IQGAP1: variants seen among roughly 807,000 people sequenced by gnomAD.
IQGAP1 encodes the protein IQ motif containing GTPase activating protein 1, also known as ras GTPase-activating-like protein IQGAP1.
IQGAP1 carries 66 observed loss-of-function variants against 215.6 expected under a neutral mutation model. That is an observed-to-expected ratio of 0.31 (90% CI 0.25 to 0.38). IQGAP1 has a LOEUF of 0.38. IQGAP1 is among the 10% of genes least tolerant of loss of function. The probability of loss-of-function intolerance (pLI) is 1.00; values close to 1 mark genes in which losing one functional copy is unlikely to be tolerated. For missense variants in IQGAP1, 1,712 were observed against 1,997.1 expected (o/e 0.86, Z 2.72); for synonymous variants, 772 against 728.7 (o/e 1.06, Z -0.96).
rs761411293 is a variant in IQGAP1 at position 90,449,615 on chromosome 15, A to C, written c.1134A>C (p.Ala378=). ...AGCTGCAGTCTGGAGTGGATGCTGCAAACAGTGCTGCCCAGCAATATCAGA... is the reference window on the plus strand; with the variant it reads ...AGCTGCAGTCTGGAGTGGATGCTGCCAACAGTGCTGCCCAGCAATATCAGA... ...KEELQSGVDA[A]NSAAQQYQRR... The change falls in exon 11 of 38, where the codon GCA becomes GCC. Residue 378 remains alanine, a synonymous_variant. Coordinates refer to ENST00000268182, the MANE Select transcript of IQGAP1 (RefSeq NM_003870.4). 3 of 1,612,820 alleles carry C rather than the reference A, an allele frequency of 1.9e-6. No individual in the cohort carries two copies. In the Middle Eastern group the frequency reaches 4.9e-4, roughly 265 times the overall value.
intron 26 of IQGAP1, 73 bp downstream of exon 26, chr15:90,477,962 T>C: frequency 1.1e-6 from 1 of 905,062 alleles, no homozygotes; most frequent in Non-Finnish European, 1.8e-6. Context: ...TCTCTTTATT[T>C]ATAAACTAAT....
intron 18 of IQGAP1, among the ~76,000 whole-genome samples, chr15:90,469,328 C>G (rs1376423889): frequency 6.6e-6 from 1 of 152,134 alleles, no homozygotes; most frequent in Non-Finnish European, 1.5e-5. Flanking sequence ...TTTCCCAAAT[C>G]GTGTGTGGAA....
intron 8 of IQGAP1, among the ~76,000 whole-genome samples, chr15:90,442,546 A>G (rs576776704): frequency 6.6e-6 from 1 of 152,332 alleles, no homozygotes; most frequent in Admixed American, 6.5e-5. Context: ...CATTCTTTGT[A>G]TCTCTTATCA....
chr15:90,439,284 G>C, intron 5 of IQGAP1, 48 bp from the exon 6 acceptor site: 1 of 1,491,204 alleles, frequency 6.7e-7, no homozygotes. Context: ...AAGGGTGGCA[G>C]CTAGGCACAG....
intron 2 of IQGAP1, among the ~76,000 whole-genome samples, chr15:90,415,269 T>C (rs1965029087): frequency 6.6e-6 from 1 of 152,228 alleles, no homozygotes; most frequent in Non-Finnish European, 1.5e-5. Context: ...TCTAGGGAAA[T>C]GTTTGCCATT....
intron 8 of IQGAP1, among the ~76,000 whole-genome samples, chr15:90,442,149 G>A (rs1239065563): frequency 2.0e-5 from 3 of 152,070 alleles, no homozygotes; most frequent in African/African-American, 7.2e-5. Context: ...GATTCTCTGG[G>A]GTAAAATGTT....
intron 10 of IQGAP1, among the ~76,000 whole-genome samples, chr15:90,449,049 T>C (rs914261271): frequency 6.6e-6 from 1 of 152,184 alleles, no homozygotes; most frequent in Admixed American, 6.5e-5. Context: ...TATTTTTGCA[T>C]TCTTACGTCA....
At chr15:90,390,476 A>C (rs558282055) in intron 1 of IQGAP1, among the ~76,000 whole-genome samples, 1 of 152,370 alleles carries the variant, frequency 6.6e-6, no homozygotes, top group South Asian at 2.1e-4. Flanking sequence ...ATTTAGAAGG[A>C]GTTCTGGCAG....
intron 26 of IQGAP1, among the ~76,000 whole-genome samples, chr15:90,480,064 A>C (rs1966035614): frequency 6.6e-6 from 1 of 151,998 alleles, no homozygotes; most frequent in South Asian, 2.1e-4. Flanking sequence ...GGGTACCTAT[A>C]AGAAACTGGT....
intron 2 of IQGAP1, among the ~76,000 whole-genome samples, chr15:90,414,366 C>T (rs960922385): frequency 6.6e-5 from 10 of 152,092 alleles, no homozygotes; most frequent in Non-Finnish European, 5.9e-5. Flanking sequence ...GAAAAAGAAG[C>T]CTACATTTGC....
chr15:90,478,851 C>T (rs150653106), intron 26 of IQGAP1, among the ~76,000 whole-genome samples: 4 of 152,270 alleles, frequency 2.6e-5, no homozygotes, highest in East Asian at 1.9e-4. Flanking sequence ...CCTGAAATAT[C>T]GTGAGTTGGG....
intron 16 of IQGAP1, 32 bp from the exon 17 acceptor site, chr15:90,466,232 TCTAAA>T (rs751881692): frequency 6.2e-7 from 1 of 1,608,084 alleles, no homozygotes; most frequent in Admixed American, 1.7e-5. Context: ...TTAGACACTC[TCTAAA>T]CTATTCTGGT....
At chr15:90,436,040 C>T (rs948545913) in intron 5 of IQGAP1, among the ~76,000 whole-genome samples, 1 of 149,232 alleles carries the variant, frequency 6.7e-6, no homozygotes, top group East Asian at 2.0e-4. Context: ...AAAATACTAC[C>T]TCTCTGTCTC....
intron 17 of IQGAP1, among the ~76,000 whole-genome samples, chr15:90,466,820 G>A (rs796184440): frequency 1.4e-4 from 22 of 152,338 alleles, no homozygotes; most frequent in East Asian, 1.9e-4. Flanking sequence ...GGCCGGGTGC[G>A]GTGGCACACG....
intron 2 of IQGAP1, among the ~76,000 whole-genome samples, chr15:90,407,298 A>T (rs558184774): frequency 6.6e-6 from 1 of 152,362 alleles, no homozygotes; most frequent in East Asian, 1.9e-4. Flanking sequence ...TATAAAATGG[A>T]AACAAGATTT....
At chr15:90,479,915 G>C (rs8042913) in intron 26 of IQGAP1, among the ~76,000 whole-genome samples, 29,591 of 151,948 alleles carry the variant, frequency 0.19, 3,023 homozygotes, top group Middle Eastern at 0.23. Flanking sequence ...GGGAAGTTTT[G>C]CCTGCAACCC....
At chr15:90,450,814 TG>T (rs1965593307) in intron 11 of IQGAP1, among the ~76,000 whole-genome samples, 2 of 140,356 alleles carry the variant, frequency 1.4e-5, no homozygotes, top group African/African-American at 6.1e-5. Context: ...GGTTTTTTTT[TG>T]TTTTTTTTTT....
At chr15:90,499,239 C>T (rs189217556) in intron 37 of IQGAP1, among the ~76,000 whole-genome samples, 63 of 152,284 alleles carry the variant, frequency 4.1e-4, no homozygotes, top group African/African-American at 1.4e-3. Context: ...GCAGGAAAAG[C>T]GGGAGCATTG....
Position 90,408,714 on chromosome 15 carries a change from A to G in IQGAP1, c.156-17396A>G, listed in dbSNP as rs530975415. Among the ~76,000 whole-genome samples the G allele has an allele frequency of 7.2e-5, 11 of 152,158 alleles. No homozygotes were observed. The East Asian group carries it at 1.7e-3, about 24-fold the overall frequency. On this transcript the variant is annotated intron_variant, in intron 2 of 37. Transcript: ENST00000268182. ...CCTGCATCGTGGCTTGATGACATCTATTTTCTCTCAAAACTTCTTCACATT... is the reference window on the plus strand; with the variant it reads ...CCTGCATCGTGGCTTGATGACATCTGTTTTCTCTCAAAACTTCTTCACATT...
Sources: gnomAD v4.1 joint callset for allele counts (sites outside exome capture counted in the v4.1 genomes callset) on GRCh38, gnomAD v4.1.1 for gene constraint, MANE v1.5 for transcripts, NCBI Gene and HGNC (gene_info 2026-07-23, HGNC 2026-07-21) for gene names.